The following CFAP45 variants were observed in gnomAD, a reference collection of about 807,000 sequenced individuals.
The protein encoded by CFAP45 is cilia- and flagella-associated protein 45.
CFAP45 carries 43 observed loss-of-function variants against 75.6 expected under a neutral mutation model. The ratio of observed to expected loss-of-function variants is 0.57; its 90% CI spans 0.45 to 0.73. The LOEUF is 0.73. Among genes scored for constraint, CFAP45 ranks in the 30% least tolerant of loss-of-function variants. The pLI, the probability that CFAP45 is intolerant of heterozygous loss-of-function variation, is 0.00. For synonymous variants in CFAP45, 223 were observed against 244.6 expected, an observed-to-expected ratio of 0.91 and a Z score of 0.82; for missense variants, 689 against 701.5, an observed-to-expected ratio of 0.98 and a Z score of 0.20.
chr1:159,887,765 G>T (rs74124749), intron 5 of CFAP45, 76 bp downstream of exon 5: 49,130 of 1,212,770 alleles, frequency 0.041, 3,359 homozygotes, highest in East Asian at 0.31. Context: ...CCCTGGCCTT[G>T]TCCAGTGCGG....
chr1:159,884,322 G>T (rs1015495396), intron 7 of CFAP45, 114 bp downstream of exon 7: 2 of 1,098,800 alleles, frequency 1.8e-6, no homozygotes, highest in Middle Eastern at 2.2e-4. Context: ...TGATGATGTT[G>T]TGAAATGAGC....
intron 1 of CFAP45, among the ~76,000 whole-genome samples, chr1:159,895,869 A>G (rs1230278793): frequency 2.0e-5 from 3 of 152,234 alleles, no homozygotes; most frequent in African/African-American, 7.2e-5. Context: ...TAATTAAGGG[A>G]AAAGGTGCAG....
chr1:159,880,884 G>A (rs1237837030), intron 7 of CFAP45, among the ~76,000 whole-genome samples, 184 bp from the exon 8 acceptor site: 1 of 152,078 alleles, frequency 6.6e-6, no homozygotes, highest in African/African-American at 2.4e-5. Flanking sequence ...CAACCAAATG[G>A]CCTATTTACA....
chr1:159,895,245 C>A (rs1420965931), intron 1 of CFAP45, among the ~76,000 whole-genome samples: 2 of 152,144 alleles, frequency 1.3e-5, no homozygotes, highest in African/African-American at 4.8e-5. Flanking sequence ...TGATTCAAAC[C>A]TCACTTTGGA....
intron 2 of CFAP45, among the ~76,000 whole-genome samples, chr1:159,890,850 C>T (rs1649812318): frequency 6.6e-6 from 1 of 151,530 alleles, no homozygotes; most frequent in Admixed American, 6.6e-5. Flanking sequence ...CCGCCACCTC[C>T]CGGGTTCAAG....
At chr1:159,890,754 T>TTTA in intron 2 of CFAP45, 132 bp from the exon 3 acceptor site, 15 of 613,154 alleles carry the variant, frequency 2.4e-5, no homozygotes, top group Non-Finnish European at 3.8e-5. Flanking sequence ...CAGCTTTTCT[T>TTTA]TTCTTTTTTT....
chr1:159,886,487 G>A (rs1481598484), intron 6 of CFAP45, 24 bp downstream of exon 6: 5 of 1,605,404 alleles, frequency 3.1e-6, no homozygotes, highest in African/African-American at 1.3e-5. Context: ...CTTAGAGAGG[G>A]AGATGCCAAA....
In CFAP45 at chr1:159,893,288, G is replaced by T. The variant is rs1425536979; in HGVS notation, c.21C>A (p.Gly7=). 6.2e-7 allele frequency: 1 copy of T among 1,613,354 alleles called. No individual in the cohort carries two copies. The highest frequency in any genetic ancestry group is 1.7e-5 in the Admixed American group (1 of 60,030). Residue 7 remains glycine, a synonymous_variant, in exon 2 of 12, where the codon GGC becomes GGA. Transcript: ENST00000368099. ...AAGCGGCAGAAGAGGAGCTCAGGATGCCAGCTGTGCTTAGTGGCTGCAGGA... is the reference window on the plus strand; with the variant it reads ...AAGCGGCAGAAGAGGAGCTCAGGATTCCAGCTGTGCTTAGTGGCTGCAGGA... The part of the protein sequence containing the change: MPLSTA[G]ILSSSSAASN...
intron 8 of CFAP45, among the ~76,000 whole-genome samples, chr1:159,878,652 C>A (rs771227958): frequency 2.7e-5 from 4 of 148,424 alleles, no homozygotes; most frequent in South Asian, 2.1e-4. Flanking sequence ...ACTCGGGAGG[C>A]TGAGGCAGGA....
chr1:159,873,133 T>G lies in CFAP45; in HGVS notation c.1388A>C (p.Glu463Ala). The G allele has an allele frequency of 6.2e-7, 1 of 1,612,662 alleles. No individual in the cohort carries two copies. Among genetic ancestry groups the G allele is most frequent in the Non-Finnish European group, 8.5e-7 (1 of 1,179,822 alleles). ...GCGCCCTGTGGCCTTTTTCTCCTCCTCCAGCCGCTCCTTCTCAATCTGTTC... is the reference window on the plus strand; with the variant it reads ...GCGCCCTGTGGCCTTTTTCTCCTCCGCCAGCCGCTCCTTCTCAATCTGTTC... ...QREQIEKERL[E>A]EEKKATGRLQ... The change falls in exon 11 of 12, where the codon GAG becomes GCG. Residue 463 changes from glutamate to alanine, a missense_variant. Transcript: ENST00000368099.
intron 1 of CFAP45, among the ~76,000 whole-genome samples, chr1:159,895,501 A>T (rs567986189): frequency 6.6e-6 from 1 of 152,310 alleles, no homozygotes; most frequent in African/African-American, 2.4e-5. Context: ...TCGATTGGAC[A>T]ATTATTTTCC....
At chr1:159,891,007 C>A (rs1280277894) in intron 2 of CFAP45, among the ~76,000 whole-genome samples, 7 of 152,144 alleles carry the variant, frequency 4.6e-5, no homozygotes, top group Non-Finnish European at 1.0e-4. Flanking sequence ...GATCCGCCCG[C>A]CTGGGCCTCC....
Position 159,876,614 on chromosome 1 carries a change from C to G in CFAP45, c.1294G>C (p.Glu432Gln). 2 of 1,614,180 alleles carry G rather than the reference C, an allele frequency of 1.2e-6. No individual in the cohort carries two copies. Among genetic ancestry groups the G allele is most frequent in the Non-Finnish European group, 1.7e-6 (2 of 1,180,034 alleles). ...KSRLEQVAFK[E>Q]HALAVQVQRD... ...TGCACCTGAACAGCCAGAGCGTGCT[C>G]CTTGAAAGCCACCTGTTCGAGCCGA... Residue 432 changes from glutamate (E) to glutamine (Q), a missense_variant, in exon 10 of 12, where the codon GAG becomes CAG. Coordinates refer to ENST00000368099, the MANE Select transcript of CFAP45 (RefSeq NM_012337.3).
chr1:159,886,609 T>A lies in CFAP45; in HGVS notation c.669A>T (p.Thr223=), dbSNP rs777025315. 1.9e-6 allele frequency: 3 copies of A among 1,614,174 alleles called. No homozygotes were observed. The Admixed American group carries it at 5.0e-5, about 27-fold the overall frequency. The stretch of plus-strand genomic sequence containing the variant: ...TCATCTGATCCAACCGCTTCTCTTC[T>A]GTGTCCAGTTCTTTTTGGATCTGCT... ...EKQQIQKELD[T]EEKRLDQMME... The change falls in exon 6 of 12, where the codon ACA becomes ACT. Residue 223 remains threonine (T), a synonymous_variant. Coordinates refer to ENST00000368099, the MANE Select transcript of CFAP45 (RefSeq NM_012337.3).
At position 159,872,926 on chromosome 1, in the gene CFAP45, G is replaced by A. The variant is rs1444826644; in HGVS notation, c.1577+18C>T. 1.9e-6 allele frequency: 3 copies of A among 1,608,518 alleles called. No individual in the cohort carries two copies. The highest frequency in any genetic ancestry group is 2.6e-6 in the Non-Finnish European group (3 of 1,175,204). On this transcript the variant is annotated intron_variant, in intron 11 of 11. Transcript: ENST00000368099. ...CGGGAGGGAAGAGGATTTGGGAAAG[G>A]AGGAGATTCCAGCGCACCTCAGCTC...
Position 159,873,110 on chromosome 1 carries a change from G to A in CFAP45, c.1411C>T (p.Arg471Cys), listed in dbSNP as rs557035183. ...RLEEEKKATG[R>C]LQHANELRRQ... ...CGGAGCTCATTGGCATGCTGTAAGC[G>A]CCCTGTGGCCTTTTTCTCCTCCTCC... is the stretch of plus-strand genomic sequence containing the variant. The change falls in exon 11 of 12, where the codon CGC (arginine) becomes TGC (cysteine). Residue 471 changes from arginine (R) to cysteine (C), a missense_variant. Coordinates refer to ENST00000368099, the MANE Select transcript of CFAP45 (RefSeq NM_012337.3). 40 of 1,614,010 alleles carry A rather than the reference G, an allele frequency of 2.5e-5. No individual in the cohort carries two copies. The East Asian group carries it at 2.9e-4, about 12-fold the overall frequency.
Position 159,880,543 on chromosome 1 carries a change from C to G in CFAP45, c.1044+11G>C. The G allele has an allele frequency of 6.2e-7, 1 of 1,609,794 alleles. No individual in the cohort carries two copies. The highest frequency in any genetic ancestry group is 8.5e-7 in the Non-Finnish European group (1 of 1,177,842). ...ATTCCTAACCAAAGGTCCCAGAAAC[C>G]AAGTCCCTACCATCTTCTTCTTGGT... On this transcript the variant is annotated intron_variant, in intron 8 of 11. Coordinates refer to ENST00000368099, the MANE Select transcript of CFAP45 (RefSeq NM_012337.3).
intron 8 of CFAP45, among the ~76,000 whole-genome samples, chr1:159,879,304 T>C (rs994164967): frequency 6.6e-6 from 1 of 152,140 alleles, no homozygotes; most frequent in African/African-American, 2.4e-5. Flanking sequence ...CACTAACTCC[T>C]ACACAGAATT....
At chr1:159,899,445 T>TGGC (rs60539230) in intron 1 of CFAP45, among the ~76,000 whole-genome samples, 81,447 of 145,890 alleles carry the variant, frequency 0.56, 25,730 homozygotes, top group East Asian at 0.84. Flanking sequence ...ACCCATTATC[T>TGGC]GGCCTCCTCA....
Sources: gnomAD v4.1 joint callset for allele counts (sites outside exome capture counted in the v4.1 genomes callset) on GRCh38, gnomAD v4.1.1 for gene constraint, MANE v1.5 for transcripts, NCBI Gene and HGNC (gene_info 2026-07-23, HGNC 2026-07-21) for gene names.